ATP8A2: variants seen among roughly 807,000 people sequenced by gnomAD.
ATP8A2 encodes ATPase phospholipid transporting 8A2.
ATP8A2 carries 100 observed loss-of-function variants against 165.6 expected under a neutral mutation model. The observed-to-expected ratio is 0.60, with a 90% CI of 0.51 to 0.71. ATP8A2 has a LOEUF of 0.71. Among genes scored for constraint, ATP8A2 ranks in the 30% least tolerant of loss-of-function variants. The probability of loss-of-function intolerance (pLI) is 0.00; values close to 1 mark genes in which losing one functional copy is unlikely to be tolerated. For missense variants in ATP8A2, 1,227 were observed against 1,479.5 expected, an observed-to-expected ratio of 0.83 and a Z score of 2.80; for synonymous variants, 543 against 548.8, an observed-to-expected ratio of 0.99 and a Z score of 0.15.
intron 33 of ATP8A2, among the ~76,000 whole-genome samples, chr13:25,905,243 A>G (rs148769809): frequency 1.6e-3 from 247 of 152,112 alleles, no homozygotes; most frequent in Middle Eastern, 6.8e-3. Flanking sequence ...TACTTTACTT[A>G]CTTAAAAAAA....
intron 27 of ATP8A2, among the ~76,000 whole-genome samples, chr13:25,817,100 C>T (rs558791886): frequency 1.1e-4 from 16 of 152,212 alleles, no homozygotes; most frequent in Middle Eastern, 3.4e-3. Context: ...CATTAATGAA[C>T]GACAGCAGAT....
intron 33 of ATP8A2, among the ~76,000 whole-genome samples, chr13:25,865,126 G>C (rs542754051): frequency 6.6e-6 from 1 of 152,264 alleles, no homozygotes; most frequent in East Asian, 1.9e-4. Context: ...TCATAAAAAA[G>C]AGGAACTGGG....
At chr13:25,503,249 C>T (rs575099067) in intron 2 of ATP8A2, among the ~76,000 whole-genome samples, 1 of 152,254 alleles carries the variant, frequency 6.6e-6, no homozygotes, top group South Asian at 2.1e-4. Flanking sequence ...AGACCGAGTC[C>T]AAGGCTCCTT....
At chr13:25,798,443 T>A (rs1470266374) in intron 27 of ATP8A2, among the ~76,000 whole-genome samples, 1 of 152,196 alleles carries the variant, frequency 6.6e-6, no homozygotes, top group East Asian at 1.9e-4. Flanking sequence ...CTGTCTGTGG[T>A]CATGCACTTT....
intron 33 of ATP8A2, among the ~76,000 whole-genome samples, chr13:25,943,854 G>T (rs941411519): frequency 6.6e-6 from 1 of 152,220 alleles, no homozygotes; most frequent in African/African-American, 2.4e-5. Flanking sequence ...GCACCAAGAT[G>T]TAGCAGCTTT....
chr13:25,857,097 G>A (rs564778925), intron 30 of ATP8A2, among the ~76,000 whole-genome samples: 1 of 152,232 alleles, frequency 6.6e-6, no homozygotes, highest in South Asian at 2.1e-4. Flanking sequence ...GTCCACATTT[G>A]TCTGCCCCTT....
chr13:25,579,030 G>A (rs1593574748), intron 21 of ATP8A2, 131 bp downstream of exon 21: 1 of 687,506 alleles, frequency 1.5e-6, no homozygotes, highest in East Asian at 2.7e-5. Flanking sequence ...GTGACAAGAT[G>A]CATAGCCAAA....
chr13:25,532,380 G>A, intron 5 of ATP8A2, 63 bp downstream of exon 5: 1 of 1,189,880 alleles, frequency 8.4e-7, no homozygotes, highest in Admixed American at 2.1e-5. Context: ...CTGCATTTAA[G>A]GAATTTTAAA....
At chr13:25,768,090 T>TGG (rs1413005520) in intron 25 of ATP8A2, among the ~76,000 whole-genome samples, 1 of 23,074 alleles carries the variant, frequency 4.3e-5, no homozygotes, top group African/African-American at 1.7e-4. Context: ...GGGGGGGTGG[T>TGG]GGGGGGGCAA....
intron 2 of ATP8A2, among the ~76,000 whole-genome samples, chr13:25,478,644 G>A (rs556854671): frequency 6.6e-6 from 1 of 152,276 alleles, no homozygotes; most frequent in African/African-American, 2.4e-5. Context: ...ATTTGGGGTT[G>A]AGTTTGGGAT....
chr13:25,808,927 G>A (rs1443200148), intron 27 of ATP8A2, among the ~76,000 whole-genome samples: 1 of 152,090 alleles, frequency 6.6e-6, no homozygotes, highest in African/African-American at 2.4e-5. Context: ...TTTCCACAGA[G>A]CTGAAAGAGA....
intron 27 of ATP8A2, among the ~76,000 whole-genome samples, chr13:25,808,604 A>G (rs1208640783): frequency 6.6e-6 from 1 of 151,524 alleles, no homozygotes; most frequent in African/African-American, 2.4e-5. Context: ...ATCTCAAAAA[A>G]AAAAAAAAAT....
chr13:25,480,211 C>G (rs866835219), intron 2 of ATP8A2, among the ~76,000 whole-genome samples: 1 of 151,044 alleles, frequency 6.6e-6, no homozygotes, highest in Admixed American at 6.6e-5. Context: ...GCTGGCCGGG[C>G]AGAGGGGCTC....
At chr13:25,552,593 A>C (rs888059161) in intron 11 of ATP8A2, among the ~76,000 whole-genome samples, 5 of 152,090 alleles carry the variant, frequency 3.3e-5, no homozygotes, top group Admixed American at 1.3e-4. Context: ...TATTTCTTTC[A>C]TCCTGGAGAA....
intron 25 of ATP8A2, among the ~76,000 whole-genome samples, chr13:25,704,088 A>G (rs1445657063): frequency 6.6e-6 from 1 of 152,228 alleles, no homozygotes; most frequent in Non-Finnish European, 1.5e-5. Flanking sequence ...CTTTGAGCAG[A>G]AGTTTTGTTA....
chr13:25,501,688 A>G (rs1186431135), intron 2 of ATP8A2, among the ~76,000 whole-genome samples: 3 of 152,222 alleles, frequency 2.0e-5, no homozygotes, highest in Non-Finnish European at 2.9e-5. Flanking sequence ...GTTATTTATA[A>G]TCAAATGGAG....
chr13:25,442,469 A>C (rs2034957393), intron 1 of ATP8A2, among the ~76,000 whole-genome samples: 1 of 152,098 alleles, frequency 6.6e-6, no homozygotes. Flanking sequence ...GTTGAAGTGC[A>C]GTGGTGCAAT....
chr13:25,768,098 C>G (rs2044534412), intron 25 of ATP8A2, among the ~76,000 whole-genome samples: 5 of 127,532 alleles, frequency 3.9e-5, no homozygotes, highest in Admixed American at 8.4e-5. Flanking sequence ...GGTGGGGGGG[C>G]AAGTGCTGTT....
At chr13:25,908,182 G>C (rs901149800) in intron 33 of ATP8A2, among the ~76,000 whole-genome samples, 1 of 151,628 alleles carries the variant, frequency 6.6e-6, no homozygotes, top group Non-Finnish European at 1.5e-5. Context: ...GTTTTCTACC[G>C]AGGCGTGCTT....
Sources: allele counts gnomAD v4.1 joint callset (sites outside exome capture counted in the v4.1 genomes callset), GRCh38; gene constraint gnomAD v4.1.1; transcripts MANE v1.5; gene names NCBI Gene and HGNC (gene_info 2026-07-23, HGNC 2026-07-21).